The following MFSD11 variants were observed in gnomAD, a reference collection of about 807,000 sequenced individuals.
MFSD11 encodes the protein major facilitator superfamily domain containing 11.
A neutral mutation model predicts 53.5 loss-of-function variants in MFSD11; 36 were observed. That is an observed-to-expected ratio of 0.67 (90% CI 0.52 to 0.89). MFSD11 has a LOEUF of 0.89. Ranked by LOEUF, MFSD11 falls within the 40% of genes least tolerant of loss-of-function variation. The pLI is 0.00. For synonymous variants in MFSD11, 186 were observed against 184.9 expected (o/e 1.01, Z -0.05); for missense variants, 530 against 543.9 (o/e 0.97, Z 0.25).
chr17:76,742,265 G>T lies in MFSD11; in HGVS notation c.429G>T (p.Leu143=). ...GRNSGIFWAL[L]QSSLFFGNLY... ...ACAGTGGGATTTTCTGGGCACTTCT[G>T]CAGTCTAGGTAATTATCCTTTTGAG... Residue 143 remains leucine (L), a synonymous_variant, in exon 5 of 13, where the codon CTG becomes CTT. Transcript: ENST00000685175. 1 of 1,613,190 alleles carries T rather than the reference G, an allele frequency of 6.2e-7. No homozygotes were observed. Among genetic ancestry groups the T allele is most frequent in the Non-Finnish European group, 8.5e-7 (1 of 1,179,212 alleles).
the MFSD11 span, among the ~76,000 whole-genome samples, chr17:76,796,038 A>G: frequency 6.6e-6 from 1 of 152,080 alleles, no homozygotes; most frequent in Non-Finnish European, 1.5e-5. Context: ...TACCTGCTCC[A>G]TGCAAAACCA....
chr17:76,768,301 G>A (rs535081130), intron 9 of MFSD11, among the ~76,000 whole-genome samples: 12 of 134,346 alleles, frequency 8.9e-5, no homozygotes, highest in African/African-American at 3.3e-4. Context: ...AAAGACCTCC[G>A]TCTCAAAAAA....
chr17:76,771,526 TAC>T (rs1882983295), intron 10 of MFSD11, among the ~76,000 whole-genome samples: 1 of 152,206 alleles, frequency 6.6e-6, no homozygotes. Context: ...TGAGGAAGAA[TAC>T]AGACAATAAA....
chr17:76,783,598 GCC>G (rs959157425), downstream of MFSD11, among the ~76,000 whole-genome samples: 1 of 152,054 alleles, frequency 6.6e-6, no homozygotes, highest in Non-Finnish European at 1.5e-5. Context: ...TGCTCTTGAT[GCC>G]CAGGCTGGAG....
intron 7 of MFSD11, among the ~76,000 whole-genome samples, chr17:76,752,118 A>G (rs961101339): frequency 3.9e-5 from 6 of 152,372 alleles, no homozygotes; most frequent in African/African-American, 1.2e-4. Flanking sequence ...AATGGTATCA[A>G]TAAGAACTCT....
At chr17:76,795,375 A>G in the MFSD11 span, among the ~76,000 whole-genome samples, 1 of 151,260 alleles carries the variant, frequency 6.6e-6, no homozygotes, top group Non-Finnish European at 1.5e-5. Flanking sequence ...TGTAATCCCA[A>G]CTACTTGGGA....
At chr17:76,783,430 G>A (rs115919977), downstream of MFSD11, among the ~76,000 whole-genome samples, 175 of 152,116 alleles carry the variant, frequency 1.2e-3, no homozygotes, top group African/African-American at 4.0e-3. Context: ...CTCCCCTCCC[G>A]AGTTTTCCCA....
chr17:76,764,686 T>TAA (rs540535983), intron 8 of MFSD11, among the ~76,000 whole-genome samples: 3 of 150,992 alleles, frequency 2.0e-5, no homozygotes, highest in African/African-American at 7.3e-5. Context: ...ATATAATTAA[T>TAA]ACACACACAC....
the MFSD11 span, among the ~76,000 whole-genome samples, chr17:76,793,841 C>A: frequency 6.6e-6 from 1 of 151,512 alleles, no homozygotes; most frequent in Non-Finnish European, 1.5e-5. Flanking sequence ...TGACTTCCCA[C>A]AACAGAAGAT....
rs759088860 is a variant in MFSD11 at position 76,775,222 on chromosome 17, G to C, written c.1049+51G>C. ...CGCTTGAGTACGGGTGGGAGGTAAC[G>C]GATGGCTAGATACTGAAAGTGGAGC... On this transcript the variant is annotated intron_variant, in intron 11 of 12. Transcript: ENST00000685175. 6.4e-6 allele frequency: 10 copies of C among 1,552,554 alleles called. No homozygotes were observed. In the East Asian group the frequency reaches 2.0e-4, roughly 31 times the overall value.
chr17:76,740,203 C>G (rs932194129), intron 2 of MFSD11, among the ~76,000 whole-genome samples: 9 of 147,642 alleles, frequency 6.1e-5, no homozygotes, highest in African/African-American at 2.2e-4. Flanking sequence ...AGAACAAATG[C>G]AAAAACACAT....
At chr17:76,791,413 A>T in the MFSD11 span, among the ~76,000 whole-genome samples, 15 of 148,096 alleles carry the variant, frequency 1.0e-4, no homozygotes, top group Admixed American at 5.4e-4. Context: ...TTTTTTTTTT[A>T]AATTGGTTTA....
At chr17:76,769,907 T>C (rs530888902) in intron 10 of MFSD11, 36 bp downstream of exon 10, 3 of 1,589,464 alleles carry the variant, frequency 1.9e-6, no homozygotes, top group Non-Finnish European at 2.6e-6. Context: ...ATTAAAAATA[T>C]CAGTTTATTA....
rs35436399 is a variant in MFSD11 at position 76,762,656 on chromosome 17, CAAAAAAA to C, written c.683-4716_683-4710del. On this transcript the variant is annotated intron_variant, in intron 8 of 12. Transcript: ENST00000685175. ...GGGCGACTGAGCGAGACTCCGTCTCCAAAAAAAAAAAAAAAAAAAAGCGGCCTTGACC... is the reference window on the plus strand; with the variant it reads ...GGGCGACTGAGCGAGACTCCGTCTCCAAAAAAAAAAAAAGCGGCCTTGACC... Among the ~76,000 whole-genome samples the C allele has an allele frequency of 1.5e-3, 115 of 76,164 alleles. No homozygotes were observed. In the South Asian group the frequency reaches 0.027, roughly 18 times the overall value. The allele number at this position is 76,164 out of a possible 152,430, so 50.0% of individuals were successfully genotyped here. A position where few individuals can be genotyped will look rare whatever the true frequency, so the allele number is the denominator to read the frequency against.
In MFSD11 at chr17:76,744,378, G is replaced by C; in HGVS notation, c.553G>C (p.Val185Leu). The change falls in exon 7 of 13, where the codon GTT becomes CTT. Residue 185 changes from valine to leucine, a missense_variant. By Grantham distance (32) the Val-to-Leu change is conservative. Transcript: ENST00000685175. Reference protein sequence around the residue: ...ALTVISLVGTVLFFLIRKPDS... With the variant: ...ALTVISLVGTLLFFLIRKPDS... ...AACGGTGATTAGCCTTGTGGGGACA[G>C]TTCTATTCTTTCTCATTCGGAAACC... 1 of 1,614,086 alleles carries C rather than the reference G, an allele frequency of 6.2e-7. No individual in the cohort carries two copies. Among genetic ancestry groups the C allele is most frequent in the South Asian group, 1.1e-5 (1 of 91,088 alleles).
intron 12 of MFSD11, among the ~76,000 whole-genome samples, chr17:76,777,084 G>A (rs1326407987): frequency 3.9e-5 from 6 of 152,000 alleles, no homozygotes; most frequent in Non-Finnish European, 8.8e-5. Flanking sequence ...TGGCTAACAC[G>A]GTGAAACCCT....
intron 10 of MFSD11, 51 bp downstream of exon 10, chr17:76,769,922 T>C: frequency 1.3e-6 from 2 of 1,537,006 alleles, no homozygotes; most frequent in Non-Finnish European, 1.8e-6. Context: ...TTATTATAGG[T>C]AAAATAGAAA....
At chr17:76,782,336 C>T (rs746441655), downstream of MFSD11, among the ~76,000 whole-genome samples, 4 of 151,874 alleles carry the variant, frequency 2.6e-5, no homozygotes, top group Non-Finnish European at 5.9e-5. Flanking sequence ...CCACCATGCC[C>T]AGCTAATTTT....
intron 2 of MFSD11, among the ~76,000 whole-genome samples, chr17:76,739,578 A>G (rs1442892710): frequency 6.6e-6 from 1 of 152,188 alleles, no homozygotes; most frequent in African/African-American, 2.4e-5. Flanking sequence ...TTAAAATTAG[A>G]TTTGTTAATT....
Sources: gnomAD v4.1 joint callset for allele counts (sites outside exome capture counted in the v4.1 genomes callset) on GRCh38, gnomAD v4.1.1 for gene constraint, MANE v1.5 for transcripts, NCBI Gene and HGNC (gene_info 2026-07-23, HGNC 2026-07-21) for gene names.